HOMER3: variants seen among roughly 807,000 people sequenced by gnomAD.
The protein encoded by HOMER3 is homer scaffold protein 3.
A neutral mutation model predicts 45.5 loss-of-function variants in HOMER3; 34 were observed. That is an observed-to-expected ratio of 0.75 (90% CI 0.57 to 1.00). HOMER3 has a LOEUF of 1.00. HOMER3 is among the 50% of genes least tolerant of loss of function. The pLI is 0.00. For missense variants in HOMER3, 480 were observed against 497.5 expected, an observed-to-expected ratio of 0.96 and a Z score of 0.33; for synonymous variants, 223 against 208.8, an observed-to-expected ratio of 1.07 and a Z score of -0.58.
chr19:18,938,831 G>C lies in HOMER3; in HGVS notation c.68C>G (p.Thr23Ser). The C allele has an allele frequency of 6.2e-7, 1 of 1,601,802 alleles. No individual in the cohort carries two copies. Among genetic ancestry groups the C allele is most frequent in the Non-Finnish European group, 8.5e-7 (1 of 1,174,432 alleles). The change falls in exon 3 of 10, where the codon ACC becomes AGC. Residue 23 changes from threonine to serine, a missense_variant. Physicochemically the swap from Thr to Ser is moderately conservative, Grantham distance 58. Transcript: ENST00000392351. ...RAHVFQIDPA[T>S]KRNWIPAGKH... ...GCCCGCTGGGATCCAGTTTCGCTTGGTGGCTGGGTCAATTTGGAACACGTG... is the reference window on the plus strand; with the variant it reads ...GCCCGCTGGGATCCAGTTTCGCTTGCTGGCTGGGTCAATTTGGAACACGTG...
At chr19:18,932,255 G>C (rs1435927836) in intron 6 of HOMER3, 123 bp from the exon 7 acceptor site, 1 of 1,059,026 alleles carries the variant, frequency 9.4e-7, no homozygotes, top group Non-Finnish European at 1.3e-6. Flanking sequence ...GCGAAGGCTG[G>C]CGAGGGTGCG....
Position 18,931,306 on chromosome 19 carries a change from TC to T in HOMER3, c.894+18del. ...GACTGTCACCCACCGTCACCCCACC[TC>T]CTTGTGCCCACACACACCTGCACCT... is the stretch of plus-strand genomic sequence containing the variant. On this transcript the variant is annotated intron_variant, in intron 9 of 9. Coordinates refer to ENST00000392351, the MANE Select transcript of HOMER3 (RefSeq NM_004838.4). 1 of 1,608,490 alleles carries T rather than the reference TC, an allele frequency of 6.2e-7. No homozygotes were observed.
intron 7 of HOMER3, 66 bp from the exon 8 acceptor site, chr19:18,931,691 A>G: frequency 6.6e-7 from 1 of 1,525,112 alleles, no homozygotes; most frequent in Admixed American, 2.1e-5. Flanking sequence ...CCCAACCTCT[A>G]GGGAATCTGC....
intron 5 of HOMER3, 65 bp from the exon 6 acceptor site, chr19:18,933,110 G>A (rs1444300351): frequency 7.1e-7 from 1 of 1,407,834 alleles, no homozygotes; most frequent in Non-Finnish European, 9.3e-7. Context: ...GATGTGACTG[G>A]GGTCGTCACA....
chr19:18,931,913 A>C (rs2057037048), intron 7 of HOMER3, 63 bp downstream of exon 7: 13 of 1,457,264 alleles, frequency 8.9e-6, no homozygotes, highest in African/African-American at 1.4e-5. Flanking sequence ...GGAACTGCCG[A>C]GGCGCGGTCT....
intron 4 of HOMER3, among the ~76,000 whole-genome samples, chr19:18,936,122 T>C (rs1367728013): frequency 6.7e-6 from 1 of 150,332 alleles, no homozygotes; most frequent in Non-Finnish European, 1.5e-5. Context: ...AAGAGCAGGC[T>C]GACCAACATG....
chr19:18,930,312 C>T (rs1345159163), intron 9 of HOMER3, among the ~76,000 whole-genome samples: 1 of 148,546 alleles, frequency 6.7e-6, no homozygotes, highest in African/African-American at 2.5e-5. Flanking sequence ...CTTTGGGAGG[C>T]CGAGGCGAGT....
chr19:18,938,270 G>T, intron 4 of HOMER3, 83 bp downstream of exon 4: 1 of 1,467,320 alleles, frequency 6.8e-7, no homozygotes, highest in Non-Finnish European at 9.3e-7. Context: ...TAGGGGACCT[G>T]CCCAAGATCC....
At chr19:18,937,560 T>A (rs1360156525) in intron 4 of HOMER3, among the ~76,000 whole-genome samples, 1 of 150,218 alleles carries the variant, frequency 6.7e-6, no homozygotes, top group Non-Finnish European at 1.5e-5. Flanking sequence ...TAATCCCAGC[T>A]ACTCCAGAGG....
intron 6 of HOMER3, 33 bp downstream of exon 6, chr19:18,932,891 G>A: frequency 1.1e-5 from 3 of 275,888 alleles, no homozygotes; most frequent in Non-Finnish European, 1.8e-5. Flanking sequence ...CCCTACCCCC[G>A]CCCCTGCCAC....
At chr19:18,932,209 G>T in intron 6 of HOMER3, 77 bp from the exon 7 acceptor site, 1 of 1,327,966 alleles carries the variant, frequency 7.5e-7, no homozygotes, top group South Asian at 1.4e-5. Flanking sequence ...CTAGGGGGCG[G>T]GGCCAGGGGT....
rs761711629 is a variant in HOMER3 at position 18,931,397 on chromosome 19, C to T, written c.822G>A (p.Leu274=). Residue 274 remains leucine, a synonymous_variant, in exon 9 of 10, where the codon CTG becomes CTA. Coordinates refer to ENST00000392351, the MANE Select transcript of HOMER3 (RefSeq NM_004838.4). ...VQTKDQEIQT[L]KSQTGGPREA... ...CGCGGGGCCCCCCAGTCTGACTCTT[C>T]AGGGTCTGAATCTCCTAGAGGAGAA... The T allele has an allele frequency of 1.5e-5, 24 of 1,614,048 alleles. No homozygotes were observed. The highest frequency in any genetic ancestry group is 4.5e-5 in the East Asian group (2 of 44,894).
rs58183423 is a variant in HOMER3 at position 18,931,373 on chromosome 19, G to A, written c.846C>T (p.Arg282=). The A allele has an allele frequency of 3.0e-3, 4,903 of 1,614,112 alleles. 110 individuals are homozygous for A. In the African/African-American group the frequency reaches 0.054, roughly 18 times the overall value. ...CACGCTCGGCAGCCTCCAGGGCCTC[G>A]CGGGGCCCCCCAGTCTGACTCTTCA... ...QTLKSQTGGP[R]EALEAAEREE... is the part of the protein sequence containing the mutation. The change falls in exon 9 of 10, where the codon CGC becomes CGT. Residue 282 remains arginine, a synonymous_variant. Transcript: ENST00000392351.
chr19:18,938,759 A>G lies in HOMER3; in HGVS notation c.140T>C (p.Val47Ala). 1 of 1,598,798 alleles carries G rather than the reference A, an allele frequency of 6.3e-7. No homozygotes were observed. The highest frequency in any genetic ancestry group is 8.5e-7 in the Non-Finnish European group (1 of 1,173,122). Residue 47 changes from valine (V) to alanine (A), a missense_variant, in exon 3 of 10, where the codon GTG becomes GCG. By Grantham distance (64) the Val-to-Ala change is moderately conservative (BLOSUM62 0). Transcript: ENST00000392351. Reference sequence around the variant, plus strand: ...GCCTCCGATGCTGATGATGCGGTACACATTGCGGGTGGCATCGTAGAAATA... The same window carrying G: ...GCCTCCGATGCTGATGATGCGGTACGCATTGCGGGTGGCATCGTAGAAATA... The part of the protein sequence containing the change: ...VSYFYDATRN[V>A]YRIISIGGAK...
chr19:18,929,439 C>G lies in HOMER3; in HGVS notation c.*4G>C. ...GGAATCGTTCATAGAAAACCAGCCCCGGCTCAGGGCGCAGCCTCAGCCAGG... is the reference window on the plus strand; with the variant it reads ...GGAATCGTTCATAGAAAACCAGCCCGGGCTCAGGGCGCAGCCTCAGCCAGG... On this transcript the variant is annotated 3_prime_UTR_variant, in exon 10 of 10. Transcript: ENST00000392351. The G allele has an allele frequency of 6.3e-7, 1 of 1,587,364 alleles. No individual in the cohort carries two copies. The highest frequency in any genetic ancestry group is 8.5e-7 in the Non-Finnish European group (1 of 1,171,308).
chr19:18,931,608 A>C lies in HOMER3; in HGVS notation c.708T>G (p.Ala236=), dbSNP rs749291184. ...TGGGGGTCACCTCTGAAGCTGCCTG[A>C]GCCTCCAGCTCAGCCACCTGTAGGG... The part of the protein sequence containing the change: ...RLRQRVAELE[A]QAASEVTPTG... The change falls in exon 8 of 10, where the codon GCT becomes GCG. Residue 236 remains alanine, a synonymous_variant. Transcript: ENST00000392351. The C allele has an allele frequency of 7.6e-5, 122 of 1,610,476 alleles. No individual in the cohort carries two copies. Among genetic ancestry groups the C allele is most frequent in the Non-Finnish European group, 1.0e-4 (120 of 1,178,850 alleles).
rs1041695274 is a variant in HOMER3, at chr19:18,934,816, T to C, written c.304-406A>G. On this transcript the variant is annotated intron_variant, in intron 4 of 9. Transcript: ENST00000392351. ...GTGTGCCATCATGCCCGGCTAATTT[T>C]TTCTAGAGACGGGGTCTAGCCATGT... 6.6e-5 allele frequency among the ~76,000 whole-genome samples: 10 copies of C among 152,076 alleles called. No individual in the cohort carries two copies. The East Asian group carries it at 1.4e-3, about 21-fold the overall frequency.
rs373905922 is a variant in HOMER3 at position 18,938,716 on chromosome 19, C to T, written c.171+12G>A. On this transcript the variant is annotated intron_variant, in intron 3 of 9. Transcript: ENST00000392351. ...TCCTGGTGCCTCTGCCCCACCCAGA[C>T]CCCACCCTGACCTTGGCGCCTCCGA... The T allele has an allele frequency of 1.4e-6, 2 of 1,466,284 alleles. No individual in the cohort carries two copies. Among genetic ancestry groups the T allele is most frequent in the African/African-American group, 1.4e-5 (1 of 72,162 alleles). The allele number at this position is 1,466,284 out of a possible 1,614,324, so 90.8% of individuals were successfully genotyped here. A position where few individuals can be genotyped will look rare whatever the true frequency, so the allele number is the denominator to read the frequency against.
At position 18,932,089 on chromosome 19, in the gene HOMER3, G is replaced by C; in HGVS notation, c.577C>G (p.Gln193Glu). 6.4e-7 allele frequency: 1 copy of C among 1,570,866 alleles called. No homozygotes were observed. The highest frequency in any genetic ancestry group is 8.6e-7 in the Non-Finnish European group (1 of 1,160,134). Reference protein sequence around the residue: ...VQWEAEFFALQDSNNKLAGAL... With the variant: ...VQWEAEFFALEDSNNKLAGAL... Reference sequence around the variant, plus strand: ...CCTGCCAGCTTGTTGTTGCTGTCCTGCAGTGCGAAAAACTCGGCCTCCCAC... The same window carrying C: ...CCTGCCAGCTTGTTGTTGCTGTCCTCCAGTGCGAAAAACTCGGCCTCCCAC... Residue 193 changes from glutamine to glutamate, a missense_variant, in exon 7 of 10, where the codon CAG becomes GAG. By Grantham distance (29) the Gln-to-Glu change is conservative. Transcript: ENST00000392351.
Sources: gnomAD v4.1 joint callset for allele counts (sites outside exome capture counted in the v4.1 genomes callset) on GRCh38, gnomAD v4.1.1 for gene constraint, MANE v1.5 for transcripts, NCBI Gene and HGNC (gene_info 2026-07-23, HGNC 2026-07-21) for gene names.